Variants in KIF13B observed in about 807,000 individuals in gnomAD.
KIF13B encodes the protein kinesin-like protein KIF13B.
In KIF13B, 127 loss-of-function variants were observed where a neutral mutation model predicts 222.0. The observed-to-expected ratio is 0.57, with a 90% CI of 0.50 to 0.66. KIF13B has a LOEUF of 0.66. Among genes scored for constraint, KIF13B ranks in the 30% least tolerant of loss-of-function variants. The probability of loss-of-function intolerance (pLI) is 0.00; values close to 1 mark genes in which losing one functional copy is unlikely to be tolerated. For missense variants in KIF13B, 2,173 were observed against 2,379.0 expected (o/e 0.91, Z 1.80); for synonymous variants, 976 against 919.0 (o/e 1.06, Z -1.12).
In KIF13B at chr8:29,150,724, A is replaced by G. The variant is rs184383791; in HGVS notation, c.1536-341T>C. Among the ~76,000 whole-genome samples the G allele has an allele frequency of 8.7e-4, 133 of 152,292 alleles. 1 individual carries two copies. Among genetic ancestry groups the G allele is most frequent in the South Asian group, 5.8e-3 (28 of 4,830 alleles). ...CACGTCTGTCATGGAGGTCTGTGATAAGGGACCTCTGACCTCACCTCTCTA... is the reference window on the plus strand; with the variant it reads ...CACGTCTGTCATGGAGGTCTGTGATGAGGGACCTCTGACCTCACCTCTCTA... On this transcript the variant is annotated intron_variant, in intron 14 of 39. Transcript: ENST00000524189.
intron 4 of KIF13B, chr8:29,189,714 T>C (rs776220856): frequency 1.3e-5 from 2 of 152,370 alleles, no homozygotes; most frequent in Non-Finnish European, 2.9e-5. Context: ...CTTTTCTCCT[T>C]GGCCGGTGCT....
chr8:29,182,078 T>TA, intron 6 of KIF13B, 72 bp from the exon 7 acceptor site: 1 of 1,136,470 alleles, frequency 8.8e-7, no homozygotes, highest in Non-Finnish European at 1.3e-6. Flanking sequence ...CTCTGCTCCA[T>TA]AAAAATATAC....
intron 34 of KIF13B, 110 bp downstream of exon 34, chr8:29,109,324 A>G: frequency 1.2e-6 from 1 of 839,938 alleles, no homozygotes; most frequent in Non-Finnish European, 2.0e-6. Context: ...CAGTCCTGGC[A>G]AGGGAAGGGT....
chr8:29,072,983 C>G (rs1807371061), intron 38 of KIF13B, among the ~76,000 whole-genome samples: 1 of 151,786 alleles, frequency 6.6e-6, no homozygotes, highest in Non-Finnish European at 1.5e-5. Context: ...GGAACACACT[C>G]AGCACAGCCT....
At chr8:29,261,689 G>A (rs183524847) in intron 1 of KIF13B, among the ~76,000 whole-genome samples, 1 of 152,120 alleles carries the variant, frequency 6.6e-6, no homozygotes, top group African/African-American at 2.4e-5. Context: ...AAGCAAAGCA[G>A]GACTCAATCT....
intron 26 of KIF13B, among the ~76,000 whole-genome samples, chr8:29,126,266 A>G (rs975938983): frequency 2.6e-5 from 4 of 152,176 alleles, no homozygotes; most frequent in Non-Finnish European, 5.9e-5. Context: ...CCAGGTTTGG[A>G]AAAGGATCTC....
At chr8:29,170,055 T>G (rs1469036918) in intron 10 of KIF13B, among the ~76,000 whole-genome samples, 2 of 152,208 alleles carry the variant, frequency 1.3e-5, no homozygotes, top group African/African-American at 4.8e-5. Flanking sequence ...AATACCCTTA[T>G]GTTAAAAATG....
At chr8:29,094,174 T>G (rs1257448250) in intron 36 of KIF13B, among the ~76,000 whole-genome samples, 1 of 142,834 alleles carries the variant, frequency 7.0e-6, no homozygotes, top group East Asian at 2.4e-4. Flanking sequence ...CCCTACCACA[T>G]GCATCCTTCT....
intron 2 of KIF13B, among the ~76,000 whole-genome samples, chr8:29,208,775 C>G (rs1397900807): frequency 6.6e-6 from 1 of 152,198 alleles, no homozygotes; most frequent in East Asian, 1.9e-4. Flanking sequence ...TCAGAATCAG[C>G]AAGAGAAAGT....
chr8:29,125,980 C>T (rs1810090488), intron 26 of KIF13B, among the ~76,000 whole-genome samples: 1 of 151,802 alleles, frequency 6.6e-6, no homozygotes, highest in Non-Finnish European at 1.5e-5. Context: ...TGGTGGCGTG[C>T]ACCTGTAATC....
intron 2 of KIF13B, among the ~76,000 whole-genome samples, chr8:29,237,893 C>T (rs2925208): frequency 0.25 from 38,529 of 152,070 alleles, 5,650 homozygotes; most frequent in African/African-American, 0.4. Context: ...AAGGGAGAGG[C>T]TGAGGAATCA....
chr8:29,092,331 G>A (rs894079218), intron 37 of KIF13B, among the ~76,000 whole-genome samples: 9 of 152,180 alleles, frequency 5.9e-5, no homozygotes, highest in African/African-American at 1.9e-4. Flanking sequence ...GTTATCCACA[G>A]CAGAGAAAAC....
chr8:29,121,553 A>T (rs1809860724), intron 29 of KIF13B, among the ~76,000 whole-genome samples: 1 of 103,152 alleles, frequency 9.7e-6, no homozygotes, highest in Non-Finnish European at 1.9e-5. Context: ...ACAAAAATCA[A>T]TTCAAGATGG....
intron 1 of KIF13B, among the ~76,000 whole-genome samples, chr8:29,256,019 G>C (rs531635448): frequency 3.3e-5 from 5 of 152,182 alleles, no homozygotes; most frequent in African/African-American, 1.2e-4. Context: ...CAGTCCCTTC[G>C]TTTCAGACTC....
intron 2 of KIF13B, among the ~76,000 whole-genome samples, chr8:29,236,783 C>G (rs766733521): frequency 2.3e-4 from 35 of 152,232 alleles, no homozygotes; most frequent in South Asian, 6.2e-4. Flanking sequence ...AAACGCTTTT[C>G]TTTGTAAAAG....
At chr8:29,187,610 A>G (rs1173774775) in intron 5 of KIF13B, among the ~76,000 whole-genome samples, 1 of 152,190 alleles carries the variant, frequency 6.6e-6, no homozygotes, top group East Asian at 1.9e-4. Flanking sequence ...GAAAGAAAAA[A>G]CTTAAATTAC....
chr8:29,096,653 A>G (rs1318712357), intron 36 of KIF13B, among the ~76,000 whole-genome samples: 2 of 152,060 alleles, frequency 1.3e-5, no homozygotes, highest in Non-Finnish European at 2.9e-5. Flanking sequence ...TATATGTAGA[A>G]GATGAAACAA....
rs750206602 is a variant in KIF13B, at chr8:29,119,001, AAAG to A, written c.3536-12_3536-10del. On this transcript the variant is annotated splice_polypyrimidine_tract_variant and intron_variant, in intron 29 of 39. Transcript: ENST00000524189. The stretch of plus-strand genomic sequence containing the variant: ...AGAGCTGAAATCATCAGCTAAAAGC[AAAG>A]AAGTTCCATTAAATACTGAGATCAT... The A allele has an allele frequency of 3.1e-6, 5 of 1,611,510 alleles. No homozygotes were observed. The highest frequency in any genetic ancestry group is 4.2e-6 in the Non-Finnish European group (5 of 1,179,134).
chr8:29,118,444 A>G (rs1298763193), intron 30 of KIF13B, among the ~76,000 whole-genome samples: 11 of 151,998 alleles, frequency 7.2e-5, no homozygotes, highest in Admixed American at 5.9e-4. Flanking sequence ...GCAGTGAGCC[A>G]AGATCCTGCC....
Sources: gnomAD v4.1 joint callset for allele counts (sites outside exome capture counted in the v4.1 genomes callset) on GRCh38, gnomAD v4.1.1 for gene constraint, MANE v1.5 for transcripts, NCBI Gene and HGNC (gene_info 2026-07-23, HGNC 2026-07-21) for gene names.